CPA6: variants seen among roughly 807,000 people sequenced by gnomAD.
CPA6 encodes carboxypeptidase B.
Under a neutral mutation model 63.3 loss-of-function variants are expected in CPA6, and 58 were observed. That is an observed-to-expected ratio of 0.92 (90% CI 0.74 to 1.14). The LOEUF is 1.14. Among genes scored for constraint, CPA6 ranks in the 50% most tolerant of loss-of-function variants. CPA6 has a pLI of 0.00. For missense variants in CPA6, 565 were observed against 526.6 expected (o/e 1.07, Z -0.71); for synonymous variants, 185 against 179.0 (o/e 1.03, Z -0.27).
chr8:67,548,890 C>T (rs1479161477), intron 2 of CPA6, among the ~76,000 whole-genome samples: 2 of 152,142 alleles, frequency 1.3e-5, no homozygotes, highest in Non-Finnish European at 2.9e-5. Context: ...TCAGGGTCAC[C>T]TGTAGGTTTG....
rs138332795 is a variant in CPA6 at position 67,605,713 on chromosome 8, G to A, written c.192+18463C>T. Among the ~76,000 whole-genome samples the A allele has an allele frequency of 1.2e-4, 19 of 152,224 alleles. No homozygotes were observed. In the East Asian group the frequency reaches 3.7e-3, roughly 29 times the overall value. On this transcript the variant is annotated intron_variant, in intron 2 of 10. Coordinates refer to ENST00000297770, the MANE Select transcript of CPA6 (RefSeq NM_020361.5). ...TGGTTCTATTAAAGTAACACCAGCTGTGGCAACAGATAGACCAGAATGTAC... is the reference window on the plus strand; with the variant it reads ...TGGTTCTATTAAAGTAACACCAGCTATGGCAACAGATAGACCAGAATGTAC...
intron 1 of CPA6, among the ~76,000 whole-genome samples, chr8:67,629,126 C>CA (rs1000434613): frequency 6.6e-6 from 1 of 150,732 alleles, no homozygotes; most frequent in East Asian, 1.9e-4. Context: ...AACAAACTAA[C>CA]AAAAAAACCC....
At chr8:67,701,970 G>T (rs1257462838) in intron 1 of CPA6, among the ~76,000 whole-genome samples, 1 of 152,112 alleles carries the variant, frequency 6.6e-6, no homozygotes, top group Non-Finnish European at 1.5e-5. Context: ...CTAGGTTTGG[G>T]AAGATTGTGC....
chr8:67,543,163 C>G (rs1195084815), intron 2 of CPA6, among the ~76,000 whole-genome samples: 1 of 152,152 alleles, frequency 6.6e-6, no homozygotes, highest in East Asian at 1.9e-4. Flanking sequence ...TTATAGAAGA[C>G]AAGATTTTCT....
At position 67,635,596 on chromosome 8, in the gene CPA6, C is replaced by T. The variant is rs545234882; in HGVS notation, c.117-11345G>A. On this transcript the variant is annotated intron_variant, in intron 1 of 10. Transcript: ENST00000297770. ...CAGCCTGACCAACATGGTGAAACCC[C>T]GTCTCTACTAAAAATACAAAATTAG... Among the ~76,000 whole-genome samples, 46 of 151,190 alleles carry T rather than the reference C, an allele frequency of 3.0e-4. 3 individuals carry two copies. Among genetic ancestry groups the T allele is most frequent in the African/African-American group, 8.8e-4 (36 of 40,716 alleles).
chr8:67,490,665 T>G (rs1300813623), intron 6 of CPA6, among the ~76,000 whole-genome samples: 1 of 152,226 alleles, frequency 6.6e-6, no homozygotes, highest in Non-Finnish European at 1.5e-5. Flanking sequence ...TATTTGGTAT[T>G]CACCATCTGC....
rs1214937999 is a variant in CPA6, at chr8:67,475,809, CTTTCTTTCCTTTCTTTT to C, written c.838+7942_838+7958del. On this transcript the variant is annotated intron_variant, in intron 8 of 10. Transcript: ENST00000297770. ...TCTTTCTTTCTTTCTTTCTTTCTTT[CTTTCTTTCCTTTCTTTT>C]CTTTCTTTCTTTCTTTCTTTCTTTC... 1.4e-3 allele frequency among the ~76,000 whole-genome samples: 65 copies of C among 48,104 alleles called. 5 individuals are homozygous for C. The highest frequency in any genetic ancestry group is 6.0e-3 in the African/African-American group (48 of 8,054). 31.6% of individuals were successfully genotyped at this position (48,104 alleles called of 152,430 possible).
chr8:67,648,272 T>TTC (rs1487914700), intron 1 of CPA6, among the ~76,000 whole-genome samples: 1 of 151,598 alleles, frequency 6.6e-6, no homozygotes, highest in African/African-American at 2.4e-5. Context: ...TTTTTTTTTT[T>TTC]TTTTTTGCTA....
intron 2 of CPA6, among the ~76,000 whole-genome samples, chr8:67,612,443 G>A (rs1814832814): frequency 6.6e-6 from 1 of 152,146 alleles, no homozygotes; most frequent in Admixed American, 6.5e-5. Flanking sequence ...TCTGTACTGG[G>A]TCAATGTCTT....
chr8:67,718,035 C>T (rs747822790), intron 1 of CPA6, among the ~76,000 whole-genome samples: 7 of 152,050 alleles, frequency 4.6e-5, no homozygotes, highest in Non-Finnish European at 7.4e-5. Flanking sequence ...AAGACACAGA[C>T]GTGTGTGTGT....
intron 9 of CPA6, 72 bp downstream of exon 9, chr8:67,433,966 G>A: frequency 1.0e-6 from 1 of 998,922 alleles, no homozygotes; most frequent in Admixed American, 1.7e-5. Context: ...ATTATCATTA[G>A]TACTTAGAAC....
At chr8:67,639,039 C>T (rs767067008) in intron 1 of CPA6, among the ~76,000 whole-genome samples, 6 of 151,420 alleles carry the variant, frequency 4.0e-5, no homozygotes, top group Non-Finnish European at 7.3e-5. Context: ...TACAGCACAT[C>T]AGAAAATAAG....
chr8:67,432,774 C>A (rs924434642), intron 9 of CPA6, among the ~76,000 whole-genome samples: 10 of 152,132 alleles, frequency 6.6e-5, no homozygotes, highest in African/African-American at 2.4e-4. Context: ...AATTGTGTAT[C>A]TTAAATGAAC....
At chr8:67,674,892 G>T (rs868725041) in intron 1 of CPA6, among the ~76,000 whole-genome samples, 1 of 152,194 alleles carries the variant, frequency 6.6e-6, no homozygotes. Flanking sequence ...GGAGCTGGAG[G>T]CCATAATTCT....
intron 2 of CPA6, among the ~76,000 whole-genome samples, chr8:67,565,683 T>C (rs1020546480): frequency 2.0e-5 from 3 of 152,292 alleles, no homozygotes; most frequent in African/African-American, 7.2e-5. Flanking sequence ...CTTGCCAAAC[T>C]GTTTAGTTTT....
At chr8:67,567,575 A>C (rs1813370485) in intron 2 of CPA6, among the ~76,000 whole-genome samples, 1 of 152,214 alleles carries the variant, frequency 6.6e-6, no homozygotes, top group Middle Eastern at 3.2e-3. Flanking sequence ...TCCACAGGAA[A>C]ATCAACTAGA....
At chr8:67,639,777 T>G (rs1376820030) in intron 1 of CPA6, among the ~76,000 whole-genome samples, 1 of 151,512 alleles carries the variant, frequency 6.6e-6, no homozygotes, top group Non-Finnish European at 1.5e-5. Context: ...GGTCCTGAGT[T>G]CTTGTCCTGT....
intron 6 of CPA6, among the ~76,000 whole-genome samples, chr8:67,493,673 C>G (rs1159782137): frequency 6.6e-6 from 1 of 152,176 alleles, no homozygotes; most frequent in Non-Finnish European, 1.5e-5. Context: ...AGATGGTTTT[C>G]CAATAATCAA....
chr8:67,447,584 A>C (rs1810459283), intron 8 of CPA6, among the ~76,000 whole-genome samples: 1 of 152,000 alleles, frequency 6.6e-6, no homozygotes, highest in African/African-American at 2.4e-5. Flanking sequence ...CACATGATTC[A>C]AAAATTTAAA....
Sources: gnomAD v4.1 joint callset for allele counts (sites outside exome capture counted in the v4.1 genomes callset) on GRCh38, gnomAD v4.1.1 for gene constraint, MANE v1.5 for transcripts, NCBI Gene and HGNC (gene_info 2026-07-23, HGNC 2026-07-21) for gene names.